RABGAP1L: variants seen among roughly 807,000 people sequenced by gnomAD.
RABGAP1L encodes RAB GTPase activating protein 1 like.
A neutral mutation model predicts 137.7 loss-of-function variants in RABGAP1L; 63 were observed. That is an observed-to-expected ratio of 0.46 (90% CI 0.37 to 0.56). The LOEUF (loss-of-function observed/expected upper bound fraction) is 0.56. Ranked by LOEUF, RABGAP1L falls within the 20% of genes least tolerant of loss-of-function variation. The pLI, the probability that RABGAP1L is intolerant of heterozygous loss-of-function variation, is 0.00. For synonymous variants in RABGAP1L, 431 were observed against 433.7 expected (o/e 0.99, Z 0.08); for missense variants, 1,095 against 1,244.0 (o/e 0.88, Z 1.80).
In RABGAP1L at chr1:174,329,802, A is replaced by G. The variant is rs78257850; in HGVS notation, c.1465+24675A>G. On this transcript the variant is annotated intron_variant, in intron 11 of 25. Transcript: ENST00000681986. ...TTTGTGATAAAGCTTCCAGCAAATT[A>G]TGTTCAGAAGGAGTATACCTCAACA... Among the ~76,000 whole-genome samples the G allele has an allele frequency of 9.4e-3, 1,420 of 151,352 alleles. 34 individuals carry two copies. Among genetic ancestry groups the G allele is most frequent in the African/African-American group, 0.034 (1,367 of 40,736 alleles).
At chr1:174,647,587 T>C (rs543495407) in intron 14 of RABGAP1L, among the ~76,000 whole-genome samples, 1 of 152,120 alleles carries the variant, frequency 6.6e-6, no homozygotes, top group African/African-American at 2.4e-5. Flanking sequence ...AGCTTTTTCA[T>C]TTGCTACTGG....
chr1:174,430,815 G>GT (rs1558227450), intron 13 of RABGAP1L, among the ~76,000 whole-genome samples: 1 of 152,194 alleles, frequency 6.6e-6, no homozygotes, highest in African/African-American at 2.4e-5. Context: ...TTAAGATTTT[G>GT]TTTTTTGTTT....
At chr1:174,186,010 G>A (rs888515330) in intron 1 of RABGAP1L, among the ~76,000 whole-genome samples, 8 of 152,108 alleles carry the variant, frequency 5.3e-5, no homozygotes, top group Non-Finnish European at 1.0e-4. Context: ...AGGAGTGGTG[G>A]TGCATGCCTG....
intron 13 of RABGAP1L, among the ~76,000 whole-genome samples, chr1:174,549,028 T>C (rs1229964383): frequency 9.2e-5 from 14 of 152,184 alleles, no homozygotes. Context: ...GCATATGTTA[T>C]TTTCAGTGTA....
At chr1:174,262,642 A>G (rs990700043) in intron 7 of RABGAP1L, among the ~76,000 whole-genome samples, 2 of 152,230 alleles carry the variant, frequency 1.3e-5, no homozygotes, top group Non-Finnish European at 2.9e-5. Context: ...ATCCTTTTAT[A>G]AATCACAGTA....
chr1:174,465,463 G>C (rs958812863), intron 13 of RABGAP1L, among the ~76,000 whole-genome samples: 24 of 151,830 alleles, frequency 1.6e-4, no homozygotes, highest in Non-Finnish European at 3.2e-4. Context: ...GCCTCCCAAA[G>C]TGCTGGGATT....
intron 13 of RABGAP1L, among the ~76,000 whole-genome samples, chr1:174,555,498 C>T (rs1008945808): frequency 6.6e-6 from 1 of 151,882 alleles, no homozygotes; most frequent in Non-Finnish European, 1.5e-5. Flanking sequence ...AAACATTTGT[C>T]GAGCATTTAT....
At chr1:174,769,353 C>T (rs1038984873) in intron 18 of RABGAP1L, among the ~76,000 whole-genome samples, 1 of 151,828 alleles carries the variant, frequency 6.6e-6, no homozygotes, top group Admixed American at 6.6e-5. Context: ...CCAGGTGGAG[C>T]CATTGGTGTC....
rs528950885 is a variant in RABGAP1L at position 174,472,922 on chromosome 1, A to G, written c.1710+78777A>G. 2.6e-5 allele frequency among the ~76,000 whole-genome samples: 4 copies of G among 152,320 alleles called. No homozygotes were observed. The South Asian group carries it at 8.3e-4, about 32-fold the overall frequency. On this transcript the variant is annotated intron_variant, in intron 13 of 25. Coordinates refer to ENST00000681986, the MANE Select transcript of RABGAP1L (RefSeq NM_001366446.1). ...TTCATTCTAAGAATAGCAGTCTCAGACCTGCAGTATTAACTGTTTTTTGCA... is the reference window on the plus strand; with the variant it reads ...TTCATTCTAAGAATAGCAGTCTCAGGCCTGCAGTATTAACTGTTTTTTGCA...
chr1:174,654,985 T>C (rs948083996), intron 14 of RABGAP1L, among the ~76,000 whole-genome samples: 3 of 152,150 alleles, frequency 2.0e-5, no homozygotes, highest in Non-Finnish European at 4.4e-5. Flanking sequence ...AAAATGATAC[T>C]GTTAAATTTA....
chr1:174,792,383 T>C (rs1311311269), intron 18 of RABGAP1L, among the ~76,000 whole-genome samples: 1 of 152,232 alleles, frequency 6.6e-6, no homozygotes, highest in Non-Finnish European at 1.5e-5. Flanking sequence ...AGACCCAGTT[T>C]GCAGCAGGGA....
In RABGAP1L at chr1:174,981,550, C is replaced by CTTTTTTTTTTTTTTT. The variant is rs10556099; in HGVS notation, c.2734-1267_2734-1253dup. Among the ~76,000 whole-genome samples, 71 of 66,430 alleles carry CTTTTTTTTTTTTTTT rather than the reference C, an allele frequency of 1.1e-3. 7 individuals carry two copies. The highest frequency in any genetic ancestry group is 4.0e-3 in the East Asian group (6 of 1,486). 43.6% of individuals were successfully genotyped at this position (66,430 alleles called of 152,430 possible). A position where few individuals can be genotyped will look rare whatever the true frequency, so the allele number is the denominator to read the frequency against. ...AATTTCACATCCCCTGTTTTTCCAT[C>CTTTTTTTTTTTTTTT]TTTTTTTTTTTTTTTTTTTTTTTTT... On this transcript the variant is annotated intron_variant, in intron 23 of 25. Transcript: ENST00000681986.
chr1:174,762,380 A>G (rs1363417761), intron 18 of RABGAP1L, among the ~76,000 whole-genome samples: 1 of 152,148 alleles, frequency 6.6e-6, no homozygotes, highest in Non-Finnish European at 1.5e-5. Flanking sequence ...GTCATCACAT[A>G]TACTGGTTTC....
At chr1:174,259,293 T>C (rs1037018524) in intron 7 of RABGAP1L, among the ~76,000 whole-genome samples, 1 of 152,180 alleles carries the variant, frequency 6.6e-6, no homozygotes, top group African/African-American at 2.4e-5. Flanking sequence ...AGCTTTATAC[T>C]TAGCTACTTA....
chr1:174,247,043 CATT>C, intron 5 of RABGAP1L, among the ~76,000 whole-genome samples: 1 of 151,984 alleles, frequency 6.6e-6, no homozygotes, highest in East Asian at 1.9e-4. Context: ...TTTTCTCCAT[CATT>C]CTGTATCACT....
At chr1:174,488,031 T>A (rs1273319046) in intron 13 of RABGAP1L, among the ~76,000 whole-genome samples, 1 of 152,198 alleles carries the variant, frequency 6.6e-6, no homozygotes, top group Non-Finnish European at 1.5e-5. Context: ...CATATTTTAA[T>A]CTTTCTATTT....
chr1:174,580,864 A>G (rs569035078), intron 13 of RABGAP1L, among the ~76,000 whole-genome samples: 2 of 152,336 alleles, frequency 1.3e-5, no homozygotes, highest in South Asian at 2.1e-4. Flanking sequence ...ATTAGAATCA[A>G]TATTTCTCCA....
intron 15 of RABGAP1L, among the ~76,000 whole-genome samples, chr1:174,688,281 A>C (rs1678626009): frequency 6.6e-6 from 1 of 152,070 alleles, no homozygotes; most frequent in Admixed American, 6.6e-5. Flanking sequence ...TTTTTCTACA[A>C]TATTTATTGT....
intron 14 of RABGAP1L, among the ~76,000 whole-genome samples, chr1:174,651,953 T>A (rs1164131988): frequency 6.6e-6 from 1 of 152,226 alleles, no homozygotes; most frequent in African/African-American, 2.4e-5. Flanking sequence ...CAATTTGGCA[T>A]GGTTTTGCAG....
Sources: gnomAD v4.1 joint callset for allele counts (sites outside exome capture counted in the v4.1 genomes callset) on GRCh38, gnomAD v4.1.1 for gene constraint, MANE v1.5 for transcripts, NCBI Gene and HGNC (gene_info 2026-07-23, HGNC 2026-07-21) for gene names.